CSNK1G1: variants seen among roughly 807,000 people sequenced by gnomAD.
The protein encoded by CSNK1G1 is casein kinase I isoform gamma-1.
A neutral mutation model predicts 59.6 loss-of-function variants in CSNK1G1; 22 were observed. The ratio of observed to expected loss-of-function variants is 0.37; its 90% CI spans 0.26 to 0.53. The LOEUF (loss-of-function observed/expected upper bound fraction) is 0.53. CSNK1G1 is among the 20% of genes least tolerant of loss of function. The pLI is 0.89. For synonymous variants in CSNK1G1, 179 were observed against 177.1 expected (o/e 1.01, Z -0.08); for missense variants, 384 against 519.5 (o/e 0.74, Z 2.54).
intron 4 of CSNK1G1, among the ~76,000 whole-genome samples, chr15:64,248,419 T>G (rs1007882517): frequency 6.6e-6 from 1 of 152,214 alleles, no homozygotes; most frequent in Non-Finnish European, 1.5e-5. Context: ...TAAATCTTTC[T>G]AACTTCTTTC....
rs936576896 is a variant in CSNK1G1 at position 64,203,093 on chromosome 15, G to C, written c.1096C>G (p.Leu366Val). 1.8e-5 allele frequency: 29 copies of C among 1,613,172 alleles called. No individual in the cohort carries two copies. Among genetic ancestry groups the C allele is most frequent in the Non-Finnish European group, 2.0e-5 (24 of 1,179,220 alleles). ...HRDRPSQQQP[L>V]RNQVVSSTNG... Reference sequence around the variant, plus strand: ...GGATCAACACATACCTGATTTCGAAGAGGCTGCTGTTGTGATGGCCGATCC... The same window carrying C: ...GGATCAACACATACCTGATTTCGAACAGGCTGCTGTTGTGATGGCCGATCC... Residue 366 changes from leucine (L) to valine (V), a missense_variant, in exon 10 of 12, where the codon CTT becomes GTT. By Grantham distance (32) the Leu-to-Val change is conservative. Coordinates refer to ENST00000303052, the MANE Select transcript of CSNK1G1 (RefSeq NM_022048.5).
intron 2 of CSNK1G1, among the ~76,000 whole-genome samples, chr15:64,278,377 C>CGTGTGTGTGTGTGTGTGT (rs56064136): frequency 9.0e-6 from 1 of 111,488 alleles, no homozygotes; most frequent in Non-Finnish European, 1.8e-5. Context: ...CATGTATGTG[C>CGTGTGTGTGTGTGTGTGT]GTGTGTGTGT....
At chr15:64,180,035 T>G (rs545030034) in intron 11 of CSNK1G1, 2 of 276,228 alleles carry the variant, frequency 7.2e-6, no homozygotes, top group Admixed American at 8.8e-5. Context: ...CTATATCCCA[T>G]ATAGAGCAAG....
intron 1 of CSNK1G1, among the ~76,000 whole-genome samples, chr15:64,303,033 G>T (rs1895449270): frequency 1.3e-5 from 2 of 151,942 alleles, no homozygotes; most frequent in South Asian, 4.1e-4. Flanking sequence ...TTACTTACAT[G>T]TATGTATTAG....
At chr15:64,275,121 A>C (rs1893533894) in intron 2 of CSNK1G1, among the ~76,000 whole-genome samples, 1 of 152,140 alleles carries the variant, frequency 6.6e-6, no homozygotes, top group African/African-American at 2.4e-5. Flanking sequence ...TGGCTCACTG[A>C]AACTCTGCCT....
intron 2 of CSNK1G1, among the ~76,000 whole-genome samples, chr15:64,283,526 G>C (rs1188873234): frequency 6.6e-6 from 1 of 151,932 alleles, no homozygotes; most frequent in African/African-American, 2.4e-5. Context: ...TATTTTAGTA[G>C]AGATGGGGTT....
At chr15:64,298,875 C>CAAA (rs538363993) in intron 2 of CSNK1G1, among the ~76,000 whole-genome samples, 11 of 127,784 alleles carry the variant, frequency 8.6e-5, no homozygotes, top group South Asian at 2.5e-4. Flanking sequence ...CACAAAAATA[C>CAAA]AAAAAAAAAA....
intron 2 of CSNK1G1, among the ~76,000 whole-genome samples, chr15:64,262,550 C>T (rs1892751408): frequency 6.6e-6 from 1 of 152,184 alleles, no homozygotes; most frequent in South Asian, 2.1e-4. Context: ...AAGCCATAAA[C>T]ATCCACTAAG....
chr15:64,339,331 G>A (rs1295494237), intron 1 of CSNK1G1, among the ~76,000 whole-genome samples: 2 of 152,010 alleles, frequency 1.3e-5, no homozygotes, highest in Non-Finnish European at 2.9e-5. Context: ...TTGTTGTTTT[G>A]AGGTAGAGTC....
At chr15:64,189,422 C>CTG (rs780033358) in intron 10 of CSNK1G1, 7 of 1,290,152 alleles carry the variant, frequency 5.4e-6, no homozygotes, top group Non-Finnish European at 7.1e-6. Flanking sequence ...GCCTCTTCCC[C>CTG]TGTGCCAGAT....
chr15:64,284,699 A>G (rs1894317387), intron 2 of CSNK1G1, among the ~76,000 whole-genome samples: 1 of 152,036 alleles, frequency 6.6e-6, no homozygotes, highest in Non-Finnish European at 1.5e-5. Context: ...AATGAGAATA[A>G]TATTAGTATC....
intron 3 of CSNK1G1, among the ~76,000 whole-genome samples, chr15:64,258,110 A>C (rs1462606673): frequency 6.6e-6 from 1 of 152,150 alleles, no homozygotes; most frequent in African/African-American, 2.4e-5. Context: ...GGATGTGGTA[A>C]GTGCAATTCA....
chr15:64,308,001 C>T (rs1415793881), intron 1 of CSNK1G1, among the ~76,000 whole-genome samples: 5 of 152,056 alleles, frequency 3.3e-5, no homozygotes, highest in African/African-American at 1.2e-4. Flanking sequence ...GCAACTTACG[C>T]TTATGTGGTC....
At chr15:64,331,911 A>C (rs796859467) in intron 1 of CSNK1G1, among the ~76,000 whole-genome samples, 1 of 147,922 alleles carries the variant, frequency 6.8e-6, no homozygotes, top group Admixed American at 6.8e-5. Context: ...CAGCCAAAAA[A>C]CACATGAAAA....
intron 4 of CSNK1G1, among the ~76,000 whole-genome samples, chr15:64,239,485 C>T (rs1566914808): frequency 6.6e-6 from 1 of 152,114 alleles, no homozygotes; most frequent in Non-Finnish European, 1.5e-5. Context: ...AAGCAATCCT[C>T]CTGCCTCAGC....
In CSNK1G1 at chr15:64,165,839, T is replaced by C. The variant is rs1179721842; in HGVS notation, c.*6092A>G. 9 of 424,242 alleles carry C rather than the reference T, an allele frequency of 2.1e-5. No individual in the cohort carries two copies. The highest frequency in any genetic ancestry group is 4.3e-5 in the Admixed American group (1 of 23,042). 26.3% of individuals were successfully genotyped at this position (424,242 alleles called of 1,614,324 possible). On this transcript the variant is annotated 3_prime_UTR_variant, in exon 12 of 12. Transcript: ENST00000303052. ...GTATACTTAAAGATCACATTTGTGT[T>C]TTCCATGGTGCCCTAGGAAATGGGC... is the stretch of plus-strand genomic sequence containing the variant.
At chr15:64,194,139 T>C (rs1262991009) in intron 10 of CSNK1G1, 1 of 151,316 alleles carries the variant, frequency 6.6e-6, no homozygotes, top group East Asian at 1.9e-4. Flanking sequence ...TGTGGAGCTG[T>C]GGCCATCCTG....
chr15:64,321,919 C>A (rs1034444432), intron 1 of CSNK1G1, among the ~76,000 whole-genome samples: 1 of 152,196 alleles, frequency 6.6e-6, no homozygotes, highest in African/African-American at 2.4e-5. Context: ...TACTGATAAA[C>A]CACAGAAGGC....
At chr15:64,264,735 C>T (rs901284211) in intron 2 of CSNK1G1, among the ~76,000 whole-genome samples, 5 of 152,182 alleles carry the variant, frequency 3.3e-5, no homozygotes, top group African/African-American at 9.7e-5. Flanking sequence ...TATCAATACA[C>T]GTGACACGTC....
Sources: allele counts gnomAD v4.1 joint callset (sites outside exome capture counted in the v4.1 genomes callset), GRCh38; gene constraint gnomAD v4.1.1; transcripts MANE v1.5; gene names NCBI Gene and HGNC (gene_info 2026-07-23, HGNC 2026-07-21).